Variants in FOXP1 observed in about 807,000 individuals in gnomAD.
The protein encoded by FOXP1 is forkhead box protein P1.
FOXP1 carries 15 observed loss-of-function variants against 98.2 expected under a neutral mutation model. The observed-to-expected ratio is 0.15, with a 90% CI of 0.10 to 0.24. The LOEUF (loss-of-function observed/expected upper bound fraction) is 0.24, where lower values mean the gene tolerates loss of function less well. Ranked by LOEUF, FOXP1 falls within the 10% of genes least tolerant of loss-of-function variation. The pLI, the probability that FOXP1 is intolerant of heterozygous loss-of-function variation, is 1.00. For missense variants in FOXP1, 633 were observed against 848.5 expected, an observed-to-expected ratio of 0.75 and a Z score of 3.15; for synonymous variants, 371 against 314.5, an observed-to-expected ratio of 1.18 and a Z score of -1.90.
chr3:71,147,900 A>C (rs1429771116), intron 6 of FOXP1, among the ~76,000 whole-genome samples: 1 of 152,246 alleles, frequency 6.6e-6, no homozygotes, highest in East Asian at 1.9e-4. Context: ...TGATAAATAG[A>C]ATTATGTTAA....
intron 3 of FOXP1, among the ~76,000 whole-genome samples, chr3:71,458,253 T>A (rs1272642725): frequency 6.6e-6 from 1 of 152,200 alleles, no homozygotes; most frequent in South Asian, 2.1e-4. Context: ...GTGAGCAGAA[T>A]GCCAACATTT....
chr3:71,365,451 C>CAAA (rs1209204141), intron 3 of FOXP1, among the ~76,000 whole-genome samples: 1 of 80,164 alleles, frequency 1.2e-5, no homozygotes, highest in Non-Finnish European at 2.7e-5. Flanking sequence ...TTGCAACAAC[C>CAAA]AAAAAAAAAA....
chr3:71,492,343 T>C (rs1479581334), intron 3 of FOXP1, among the ~76,000 whole-genome samples: 1 of 151,820 alleles, frequency 6.6e-6, no homozygotes, highest in Admixed American at 6.6e-5. Flanking sequence ...TCTCAGCTAC[T>C]TGGGAGGCCG....
rs776481191 is a variant in FOXP1, at chr3:70,977,630, GTTAT to G, written c.1428+9_1428+12del. The G allele has an allele frequency of 3.5e-5, 55 of 1,589,294 alleles. No homozygotes were observed. The highest frequency in any genetic ancestry group is 4.6e-5 in the Non-Finnish European group (53 of 1,158,154). ...CTTCTGACAGAATTTCATATACTGT[GTTAT>G]TTACTTACCTGCCTAATTAAAGATG... On this transcript the variant is annotated intron_variant, in intron 16 of 20. Coordinates refer to ENST00000649528, the MANE Select transcript of FOXP1 (RefSeq NM_001349338.3).
chr3:71,268,597 G>A (rs1013707859), intron 5 of FOXP1, among the ~76,000 whole-genome samples: 1 of 152,174 alleles, frequency 6.6e-6, no homozygotes, highest in African/African-American at 2.4e-5. Context: ...CATCATGCCA[G>A]CCCCTCTGAC....
At chr3:71,135,242 T>C (rs367559671) in intron 6 of FOXP1, among the ~76,000 whole-genome samples, 5 of 118,638 alleles carry the variant, frequency 4.2e-5, no homozygotes, top group East Asian at 4.8e-4. Context: ...CCGGCAACAG[T>C]GAGCCTCCGT....
intron 5 of FOXP1, among the ~76,000 whole-genome samples, chr3:71,261,150 AC>A (rs2069103276): frequency 6.6e-6 from 1 of 152,180 alleles, no homozygotes; most frequent in Non-Finnish European, 1.5e-5. Context: ...TATCATTTAT[AC>A]CTTTTAAAGT....
intron 3 of FOXP1, among the ~76,000 whole-genome samples, chr3:71,378,655 T>C (rs2079911028): frequency 6.6e-6 from 1 of 152,132 alleles, no homozygotes; most frequent in African/African-American, 2.4e-5. Context: ...CGAAGAGTAG[T>C]GATGCTGGCA....
At position 71,052,577 on chromosome 3, in the gene FOXP1, T is replaced by G; in HGVS notation, c.470A>C (p.Gln157Pro). Residue 157 changes from glutamine to proline, a missense_variant, in exon 9 of 21, where the codon CAA becomes CCA. Gln to Pro is a moderately conservative substitution (Grantham distance 76, BLOSUM62 -1). This residue lies in a region of FOXP1 where 210 missense variants were observed against 270.6 expected (regional missense o/e 0.78). Transcript: ENST00000649528. ...YKKQQEQLQL[Q>P]LLQQQHAGKQ... ...TCCAGCATGTTGTTGTTGTAAAAGTTGAAGCTGCAACTGTTCCTGTTGTTT... is the reference window on the plus strand; with the variant it reads ...TCCAGCATGTTGTTGTTGTAAAAGTGGAAGCTGCAACTGTTCCTGTTGTTT... The G allele has an allele frequency of 6.9e-7, 1 of 1,445,520 alleles. No individual in the cohort carries two copies. Among genetic ancestry groups the G allele is most frequent in the Non-Finnish European group, 9.7e-7 (1 of 1,025,766 alleles). The allele number at this position is 1,445,520 out of a possible 1,614,324, so 89.5% of individuals were successfully genotyped here.
chr3:71,315,282 C>T (rs953403386), intron 4 of FOXP1, among the ~76,000 whole-genome samples: 13 of 152,002 alleles, frequency 8.6e-5, no homozygotes, highest in South Asian at 2.1e-4. Context: ...CACACCAGGG[C>T]GCTTTATCAG....
intron 5 of FOXP1, among the ~76,000 whole-genome samples, chr3:71,265,116 G>A (rs2069510793): frequency 6.6e-6 from 1 of 152,140 alleles, no homozygotes; most frequent in South Asian, 2.1e-4. Context: ...ATCTATAGGT[G>A]ACTGGGGGAG....
chr3:71,447,242 T>A (rs770504551), intron 3 of FOXP1, among the ~76,000 whole-genome samples: 7 of 152,264 alleles, frequency 4.6e-5, no homozygotes, highest in African/African-American at 1.7e-4. Flanking sequence ...TGTCTACACA[T>A]ACAGCAAGAA....
intron 3 of FOXP1, among the ~76,000 whole-genome samples, chr3:71,439,100 A>G (rs1215551963): frequency 6.6e-6 from 1 of 152,254 alleles, no homozygotes; most frequent in Non-Finnish European, 1.5e-5. Context: ...CTGCCTATGC[A>G]GGTGGCAGAC....
At chr3:71,388,971 T>C (rs2080814722) in intron 3 of FOXP1, among the ~76,000 whole-genome samples, 2 of 152,026 alleles carry the variant, frequency 1.3e-5, no homozygotes, top group Non-Finnish European at 2.9e-5. Context: ...ATAACAAAAA[T>C]GTCAGAGCTA....
At chr3:71,140,171 G>C (rs923444254) in intron 6 of FOXP1, among the ~76,000 whole-genome samples, 1 of 151,986 alleles carries the variant, frequency 6.6e-6, no homozygotes, top group Admixed American at 6.5e-5. Context: ...TTAGGATCTT[G>C]GAATATCTGC....
At chr3:71,037,702 A>T (rs2047783401) in intron 11 of FOXP1, among the ~76,000 whole-genome samples, 1 of 152,232 alleles carries the variant, frequency 6.6e-6, no homozygotes, top group Admixed American at 6.5e-5. Flanking sequence ...ATTGTCGGAG[A>T]AAATCAAAGC....
Position 71,529,982 on chromosome 3 carries a change from T to C in FOXP1, c.-297-36427A>G, listed in dbSNP as rs189533998. 1.9e-3 allele frequency among the ~76,000 whole-genome samples: 293 copies of C among 152,270 alleles called. 1 individual carries two copies. The highest frequency in any genetic ancestry group is 3.4e-3 in the Middle Eastern group (1 of 294). On this transcript the variant is annotated intron_variant, in intron 2 of 20. Coordinates refer to ENST00000649528, the MANE Select transcript of FOXP1 (RefSeq NM_001349338.3). Reference sequence around the variant, plus strand: ...TGGGTCAGAAGCATAGGTGACAACATGGCACCTGTGTCCAAAGCAGGGGCA... The same window carrying C: ...TGGGTCAGAAGCATAGGTGACAACACGGCACCTGTGTCCAAAGCAGGGGCA...
rs148058242 is a variant in FOXP1, at chr3:71,268,248, G to A, written c.-12+31572C>T. On this transcript the variant is annotated intron_variant, in intron 5 of 20. Coordinates refer to ENST00000649528, the MANE Select transcript of FOXP1 (RefSeq NM_001349338.3). Reference sequence around the variant, plus strand: ...TGGGACTATAGGCGCCCGCCACCTCGCCCGGCTAATTTATTTCAGCTTCTA... The same window carrying A: ...TGGGACTATAGGCGCCCGCCACCTCACCCGGCTAATTTATTTCAGCTTCTA... Among the ~76,000 whole-genome samples, 177 of 151,512 alleles carry A rather than the reference G, an allele frequency of 1.2e-3. 1 individual carries two copies. The highest frequency in any genetic ancestry group is 3.5e-3 in the African/African-American group (145 of 41,344).
intron 3 of FOXP1, among the ~76,000 whole-genome samples, chr3:71,418,188 AC>A (rs2083368553): frequency 6.6e-6 from 1 of 151,420 alleles, no homozygotes; most frequent in South Asian, 2.1e-4. Context: ...GATTTCTATG[AC>A]CATACACTTG....
Sources: allele counts gnomAD v4.1 joint callset (sites outside exome capture counted in the v4.1 genomes callset), GRCh38; gene constraint gnomAD v4.1.1; regional missense constraint gnomAD v4.1.1; transcripts MANE v1.5; gene names NCBI Gene and HGNC (gene_info 2026-07-23, HGNC 2026-07-21).